Variants in MECOM observed in about 807,000 individuals in gnomAD.
The protein encoded by MECOM is histone-lysine N-methyltransferase MECOM.
In MECOM, 13 loss-of-function variants were observed where a neutral mutation model predicts 116.3. The observed-to-expected ratio is 0.11, with a 90% CI of 0.07 to 0.18. The LOEUF is 0.18. Ranked by LOEUF, MECOM falls within the 10% of genes least tolerant of loss-of-function variation. The pLI is 1.00. For synonymous variants in MECOM, 528 were observed against 535.2 expected (o/e 0.99, Z 0.19); for missense variants, 1,299 against 1,509.0 (o/e 0.86, Z 2.31).
chr3:169,496,941 G>A (rs1578265603), intron 1 of MECOM, among the ~76,000 whole-genome samples: 1 of 152,158 alleles, frequency 6.6e-6, no homozygotes, highest in South Asian at 2.1e-4. Flanking sequence ...ACACAGCCAA[G>A]CATGCATAAA....
intron 2 of MECOM, among the ~76,000 whole-genome samples, chr3:169,242,103 T>A (rs1754898259): frequency 1.3e-5 from 2 of 152,194 alleles, no homozygotes; most frequent in African/African-American, 2.4e-5. Flanking sequence ...TGTTTATAGA[T>A]TTCTTTTAAA....
chr3:169,386,140 A>G (rs1733279012), intron 1 of MECOM, among the ~76,000 whole-genome samples: 1 of 152,202 alleles, frequency 6.6e-6, no homozygotes, highest in South Asian at 2.1e-4. Flanking sequence ...ATTTATTTAT[A>G]TGTGTCTTTG....
chr3:169,487,692 A>G (rs1752569730), intron 1 of MECOM, among the ~76,000 whole-genome samples: 1 of 151,782 alleles, frequency 6.6e-6, no homozygotes, highest in Admixed American at 6.6e-5. Flanking sequence ...ATCACAATAG[A>G]TATACATAGC....
At chr3:169,334,007 CTTCT>C (rs1211944837) in intron 2 of MECOM, among the ~76,000 whole-genome samples, 1 of 151,538 alleles carries the variant, frequency 6.6e-6, no homozygotes, top group Admixed American at 6.6e-5. Flanking sequence ...CTAGACCTTC[CTTCT>C]GAGTGTTTTC....
At chr3:169,233,131 T>C (rs1431989688) in intron 2 of MECOM, among the ~76,000 whole-genome samples, 1 of 152,156 alleles carries the variant, frequency 6.6e-6, no homozygotes, top group Non-Finnish European at 1.5e-5. Flanking sequence ...TGACGTCTGA[T>C]ACTGGTTTTC....
At chr3:169,087,781 AC>A (rs1718318449) in intron 16 of MECOM, among the ~76,000 whole-genome samples, 1 of 152,164 alleles carries the variant, frequency 6.6e-6, no homozygotes, top group Non-Finnish European at 1.5e-5. Flanking sequence ...AAAACTGGAA[AC>A]TTCATTTTTA....
At chr3:169,568,809 C>T (rs190704263) in intron 1 of MECOM, among the ~76,000 whole-genome samples, 163 of 152,260 alleles carry the variant, frequency 1.1e-3, no homozygotes, top group Non-Finnish European at 2.0e-3. Flanking sequence ...TTGTCACCAC[C>T]GGGTTCTTGC....
At chr3:169,497,575 C>A (rs977050998) in intron 1 of MECOM, among the ~76,000 whole-genome samples, 4 of 152,206 alleles carry the variant, frequency 2.6e-5, no homozygotes, top group Non-Finnish European at 1.5e-5. Flanking sequence ...CCAGGCTGGT[C>A]TCAAACTCCT....
chr3:169,563,417 T>C (rs950444868), intron 1 of MECOM, among the ~76,000 whole-genome samples: 9 of 152,256 alleles, frequency 5.9e-5, no homozygotes, highest in African/African-American at 1.9e-4. Flanking sequence ...AACTTTGATA[T>C]TGACATATCC....
intron 1 of MECOM, among the ~76,000 whole-genome samples, chr3:169,529,003 G>A (rs1431124576): frequency 6.6e-6 from 1 of 152,046 alleles, no homozygotes; most frequent in Admixed American, 6.5e-5. Flanking sequence ...TTTCCCATTT[G>A]AATTGCTGTA....
At position 169,611,668 on chromosome 3, in the gene MECOM, T is replaced by C. The variant is rs1282708991; in HGVS notation, c.37+51668A>G. Among the ~76,000 whole-genome samples the C allele has an allele frequency of 6.6e-6, 1 of 152,228 alleles. No homozygotes were observed. Among genetic ancestry groups the C allele is most frequent in the African/African-American group, 2.4e-5 (1 of 41,452 alleles). On this transcript the variant is annotated intron_variant, in intron 1 of 16. Coordinates refer to ENST00000651503, the MANE Select transcript of MECOM (RefSeq NM_004991.4). This position sits in a 1 kb window ranked among gnomAD's most constrained non-coding sequence, Gnocchi z 4.1. ...CTCTGGACCTCAAAATCACTATATATCTTTTTTAAAATATTTTATTTTCCT... is the reference window on the plus strand; with the variant it reads ...CTCTGGACCTCAAAATCACTATATACCTTTTTTAAAATATTTTATTTTCCT...
At chr3:169,501,708 T>C (rs1474876212) in intron 1 of MECOM, among the ~76,000 whole-genome samples, 1 of 152,140 alleles carries the variant, frequency 6.6e-6, no homozygotes, top group Non-Finnish European at 1.5e-5. Flanking sequence ...TAAAATCTAA[T>C]AAAGAATTCA....
chr3:169,225,017 A>T (rs1350832378), intron 2 of MECOM, among the ~76,000 whole-genome samples: 1 of 152,216 alleles, frequency 6.6e-6, no homozygotes, highest in Non-Finnish European at 1.5e-5. Context: ...GATTTTTCTC[A>T]TACTTAAATA....
chr3:169,484,812 C>A (rs567583397), intron 1 of MECOM, among the ~76,000 whole-genome samples: 1 of 152,192 alleles, frequency 6.6e-6, no homozygotes, highest in African/African-American at 2.4e-5. Context: ...AATTGACAAG[C>A]ATATCAAAAG....
At chr3:169,390,083 C>T (rs1232653700) in intron 1 of MECOM, among the ~76,000 whole-genome samples, 1 of 152,074 alleles carries the variant, frequency 6.6e-6, no homozygotes, top group East Asian at 1.9e-4. Context: ...GTTGCTGAAC[C>T]CTGGAGTAAC....
intron 1 of MECOM, among the ~76,000 whole-genome samples, chr3:169,427,723 A>C (rs1476309615): frequency 6.6e-6 from 1 of 152,200 alleles, no homozygotes; most frequent in Admixed American, 6.5e-5. Context: ...AGAGGAGTTG[A>C]GAGATTATTG....
At chr3:169,472,518 G>GAAAGA (rs1183018878) in intron 1 of MECOM, among the ~76,000 whole-genome samples, 2,700 of 70,086 alleles carry the variant, frequency 0.039, 658 homozygotes, top group Non-Finnish European at 0.054. Context: ...GAAAGGAAAG[G>GAAAGA]AAAGAAAAGA....
chr3:169,617,878 C>T (rs1770214964), intron 1 of MECOM, among the ~76,000 whole-genome samples: 1 of 152,192 alleles, frequency 6.6e-6, no homozygotes, highest in African/African-American at 2.4e-5. Flanking sequence ...TGAGCCTTGA[C>T]CAGCCCTGGG....
chr3:169,459,697 C>G (rs1178609759), intron 1 of MECOM, among the ~76,000 whole-genome samples: 1 of 152,156 alleles, frequency 6.6e-6, no homozygotes, highest in Non-Finnish European at 1.5e-5. Context: ...GTCCCCTGCT[C>G]CAAATCCTAC....
Sources: allele counts gnomAD v4.1 joint callset (sites outside exome capture counted in the v4.1 genomes callset), GRCh38; gene constraint gnomAD v4.1.1; non-coding constraint Gnocchi (gnomAD v3.1); transcripts MANE v1.5; gene names NCBI Gene and HGNC (gene_info 2026-07-23, HGNC 2026-07-21).